STAT1: variants seen among roughly 807,000 people sequenced by gnomAD.
STAT1 encodes signal transducer and activator of transcription 1-alpha/beta.
A neutral mutation model predicts 111.7 loss-of-function variants in STAT1; 24 were observed. The observed-to-expected ratio is 0.21, with a 90% CI of 0.16 to 0.30. STAT1 has a LOEUF of 0.30. Ranked by LOEUF, STAT1 falls within the 10% of genes least tolerant of loss-of-function variation. The pLI is 1.00. For missense variants in STAT1, 351 were observed against 911.9 expected (o/e 0.38, Z 7.92); for synonymous variants, 332 against 326.5 (o/e 1.02, Z -0.18).
rs1463112266 is a variant in STAT1, at chr2:191,000,867, G to T, written c.462+207C>A. Among the ~76,000 whole-genome samples, 1 of 152,122 alleles carries T rather than the reference G, an allele frequency of 6.6e-6. No homozygotes were observed. The highest frequency in any genetic ancestry group is 1.9e-4 in the East Asian group (1 of 5,194). ...GAAGAAAAAGCTAAACTCAATGTTT[G>T]GCAGTTATAAGAGGCCATTCAAAAA... On this transcript the variant is annotated intron_variant, in intron 6 of 24. Transcript: ENST00000361099. The surrounding 1 kb of genome is among the most constrained non-coding windows in gnomAD (Gnocchi z 4.8).
At position 190,998,577 on chromosome 2, in the gene STAT1, G is replaced by A. The variant is rs1694017900; in HGVS notation, c.542-269C>T. Among the ~76,000 whole-genome samples, 3 of 151,850 alleles carry A rather than the reference G, an allele frequency of 2.0e-5. No individual in the cohort carries two copies. The highest frequency in any genetic ancestry group is 4.4e-5 in the Non-Finnish European group (3 of 67,984). Reference sequence around the variant, plus strand: ...CTCGGGAGGCTGAGGCAGGAGAACAGCATGAACCCGGGAGGCGGAGCTTGG... The same window carrying A: ...CTCGGGAGGCTGAGGCAGGAGAACAACATGAACCCGGGAGGCGGAGCTTGG... On this transcript the variant is annotated intron_variant, in intron 7 of 24. Coordinates refer to ENST00000361099, the MANE Select transcript of STAT1 (RefSeq NM_007315.4). This position sits in a 1 kb window ranked among gnomAD's most constrained non-coding sequence, Gnocchi z 4.1.
In STAT1 at chr2:190,993,468, T is replaced by C; in HGVS notation, c.944+1593A>G. 1.6e-6 allele frequency: 2 copies of C among 1,233,578 alleles called. No homozygotes were observed. Among genetic ancestry groups the C allele is most frequent in the African/African-American group, 1.5e-5 (1 of 66,568 alleles). The allele number at this position is 1,233,578 out of a possible 1,614,324, so 76.4% of individuals were successfully genotyped here. On this transcript the variant is annotated intron_variant, in intron 10 of 24. Transcript: ENST00000361099. The surrounding 1 kb of genome is among the most constrained non-coding windows in gnomAD (Gnocchi z 4.1). ...CTGATGTAGCTTTCTGTATATGTTA[T>C]CATCTGCAAACCTAAGAAGGAGGCA...
At chr2:190,992,719 C>A in intron 10 of STAT1, 1 of 1,189,018 alleles carries the variant, frequency 8.4e-7, no homozygotes, top group South Asian at 2.0e-5. Context: ...CCAGCTGTTG[C>A]TCCAGGACCC....
At position 190,997,788 on chromosome 2, in the gene STAT1, A is replaced by T. The variant is rs1268384555; in HGVS notation, c.785+68T>A. On this transcript the variant is annotated intron_variant, in intron 9 of 24. Transcript: ENST00000361099. This position sits in a 1 kb window ranked among gnomAD's most constrained non-coding sequence, Gnocchi z 7.3. The stretch of plus-strand genomic sequence containing the variant: ...AGGGTCCATTCAACTAACACAGCTC[A>T]AAGGTACATTTATGTGTTTATGTGG... The T allele has an allele frequency of 6.2e-7, 1 of 1,607,268 alleles. No homozygotes were observed. The highest frequency in any genetic ancestry group is 1.3e-5 in the African/African-American group (1 of 74,864).
chr2:190,975,906 T>G lies in STAT1; in HGVS notation c.2060-19A>C. 1 of 1,600,344 alleles carries G rather than the reference T, an allele frequency of 6.2e-7. No homozygotes were observed. Among genetic ancestry groups the G allele is most frequent in the Non-Finnish European group, 8.6e-7 (1 of 1,167,456 alleles). On this transcript the variant is annotated intron_variant, in intron 22 of 24. Coordinates refer to ENST00000361099, the MANE Select transcript of STAT1 (RefSeq NM_007315.4). This position sits in a 1 kb window ranked among gnomAD's most constrained non-coding sequence, Gnocchi z 5.9. ...TCTGGTGCTAGAAATAAACACATTG[T>G]GTACGCTTTCCATCAACCGAAATTC...
chr2:190,970,129 A>G lies in STAT1; in HGVS notation c.*574T>C, dbSNP rs190508584. 1 of 161,772 alleles carries G rather than the reference A, an allele frequency of 6.2e-6. No homozygotes were observed. The highest frequency in any genetic ancestry group is 1.8e-4 in the East Asian group (1 of 5,712). The allele number at this position is 161,772 out of a possible 1,614,324, so 10.0% of individuals were successfully genotyped here. A position where few individuals can be genotyped will look rare whatever the true frequency, so the allele number is the denominator to read the frequency against. ...ATGTGAAAGATGTAATAAAATACACATTTTCCCCCTACCAGATCCATGATG... is the reference window on the plus strand; with the variant it reads ...ATGTGAAAGATGTAATAAAATACACGTTTTCCCCCTACCAGATCCATGATG... On this transcript the variant is annotated 3_prime_UTR_variant, in exon 25 of 25. Transcript: ENST00000361099. This position sits in a 1 kb window ranked among gnomAD's most constrained non-coding sequence, Gnocchi z 5.4.
chr2:190,990,594 TTGTG>T lies in STAT1; in HGVS notation c.1037+630_1037+633del, dbSNP rs138287667. Among the ~76,000 whole-genome samples the T allele has an allele frequency of 5.3e-5, 8 of 151,944 alleles. No individual in the cohort carries two copies. Among genetic ancestry groups the T allele is most frequent in the African/African-American group, 9.7e-5 (4 of 41,346 alleles). On this transcript the variant is annotated intron_variant, in intron 11 of 24. Transcript: ENST00000361099. This position sits in a 1 kb window ranked among gnomAD's most constrained non-coding sequence, Gnocchi z 5.1. ...TTTTTAAAAAAGAAATATGTCATAT[TTGTG>T]TGTGTGTGTGTCTCTATATGAAATA...
rs1230681584 is a variant in STAT1 at position 191,003,819 on chromosome 2, G to A, written c.373-2656C>T. ...TTCTAAGCCAGCAGGATGTGGGCAC[G>A]GTGTCCTGTGGGCTTTGTAACAGCT... On this transcript the variant is annotated intron_variant, in intron 5 of 24. Transcript: ENST00000361099. The surrounding 1 kb of genome is among the most constrained non-coding windows in gnomAD (Gnocchi z 4.0). 1.3e-5 allele frequency among the ~76,000 whole-genome samples: 2 copies of A among 152,176 alleles called. No individual in the cohort carries two copies. The highest frequency in any genetic ancestry group is 2.9e-5 in the Non-Finnish European group (2 of 68,036).
In STAT1 at chr2:190,981,927, G is replaced by A. The variant is rs1233573155; in HGVS notation, c.1582+456C>T. The stretch of plus-strand genomic sequence containing the variant: ...AAAAGAGGCATCCTCTTGTGGGGAC[G>A]GCATCCTCTGCTACCTGGGCCCCAC... On this transcript the variant is annotated intron_variant, in intron 18 of 24. Transcript: ENST00000361099. This position sits in a 1 kb window ranked among gnomAD's most constrained non-coding sequence, Gnocchi z 4.1. Among the ~76,000 whole-genome samples, 3 of 152,194 alleles carry A rather than the reference G, an allele frequency of 2.0e-5. No individual in the cohort carries two copies. The highest frequency in any genetic ancestry group is 2.9e-5 in the Non-Finnish European group (2 of 68,030).
In STAT1 at chr2:190,982,323, TAGAG is replaced by T. The variant is rs1199295849; in HGVS notation, c.1582+56_1582+59del. On this transcript the variant is annotated intron_variant, in intron 18 of 24. Coordinates refer to ENST00000361099, the MANE Select transcript of STAT1 (RefSeq NM_007315.4). This position sits in a 1 kb window ranked among gnomAD's most constrained non-coding sequence, Gnocchi z 7.3. ...AAATAGCAGAGGGGAAAAGAGCAATTAGAGAGATATTTTTATGAATTTCAATTTT... is the reference window on the plus strand; with the variant it reads ...AAATAGCAGAGGGGAAAAGAGCAATTAGATATTTTTATGAATTTCAATTTT... The T allele has an allele frequency of 1.3e-5, 20 of 1,592,032 alleles. No individual in the cohort carries two copies. Among genetic ancestry groups the T allele is most frequent in the African/African-American group, 2.7e-5 (2 of 74,424 alleles).
chr2:190,971,452 C>A lies in STAT1; in HGVS notation c.2239-735G>T, dbSNP rs1267509907. 2.0e-5 allele frequency among the ~76,000 whole-genome samples: 3 copies of A among 152,084 alleles called. No individual in the cohort carries two copies. Among genetic ancestry groups the A allele is most frequent in the African/African-American group, 7.2e-5 (3 of 41,402 alleles). ...GGTAGAAGCCAGAGGTGTTGCTGAA[C>A]CTCCTACGAAGCACAGGAAAGCTCC... On this transcript the variant is annotated intron_variant, in intron 24 of 24. Transcript: ENST00000361099. The surrounding 1 kb of genome is among the most constrained non-coding windows in gnomAD (Gnocchi z 4.1).
chr2:190,994,426 TG>T (rs1693655065), intron 10 of STAT1, among the ~76,000 whole-genome samples: 1 of 151,432 alleles, frequency 6.6e-6, no homozygotes, highest in African/African-American at 2.4e-5. Flanking sequence ...GTGGGGAGGC[TG>T]GGGAAGAGTC....
At position 190,979,173 on chromosome 2, in the gene STAT1, T is replaced by C. The variant is rs1441810839; in HGVS notation, c.1728-172A>G. Among the ~76,000 whole-genome samples the C allele has an allele frequency of 2.6e-5, 4 of 152,240 alleles. No individual in the cohort carries two copies. The highest frequency in any genetic ancestry group is 9.6e-5 in the African/African-American group (4 of 41,462). On this transcript the variant is annotated intron_variant, in intron 20 of 24. Transcript: ENST00000361099. The surrounding 1 kb of genome is among the most constrained non-coding windows in gnomAD (Gnocchi z 5.8). ...GACACTTAAGGAAGCATTTCACTTA[T>C]ACATGTATATACTAAGGTTTTAAAA...
chr2:190,991,176 G>A (rs910724022), intron 11 of STAT1, 52 bp downstream of exon 11: 96 of 1,559,422 alleles, frequency 6.2e-5, no homozygotes, highest in Non-Finnish European at 7.8e-5. Context: ...GGAAACTAGG[G>A]GTACAAACTA....
intron 10 of STAT1, 129 bp from the exon 11 acceptor site, chr2:190,991,449 C>A (rs1693331887): frequency 1.2e-6 from 1 of 861,334 alleles, no homozygotes; most frequent in South Asian, 1.4e-5. Flanking sequence ...AAGATTCTGA[C>A]AAGTTGGATG....
In STAT1 at chr2:190,995,447, G is replaced by A. The variant is rs539578387; in HGVS notation, c.786-228C>T. On this transcript the variant is annotated intron_variant, in intron 9 of 24. Coordinates refer to ENST00000361099, the MANE Select transcript of STAT1 (RefSeq NM_007315.4). The surrounding 1 kb of genome is among the most constrained non-coding windows in gnomAD (Gnocchi z 4.2). ...TGAGGAGCAAAGTCACATCTTACAT[G>A]GTGGCAGGCAAGAGAGTTTGTGGAG... 1.4e-4 allele frequency among the ~76,000 whole-genome samples: 21 copies of A among 152,290 alleles called. No individual in the cohort carries two copies. Among genetic ancestry groups the A allele is most frequent in the Admixed American group, 1.4e-3 (21 of 15,290 alleles).
At chr2:190,985,737 A>C in intron 14 of STAT1, 77 bp from the exon 15 acceptor site, 1 of 1,434,458 alleles carries the variant, frequency 7.0e-7, no homozygotes. Context: ...AATGAGAACA[A>C]AGTTAGGACT....
intron 10 of STAT1, among the ~76,000 whole-genome samples, chr2:190,991,626 A>G (rs1340008411): frequency 1.3e-5 from 2 of 152,144 alleles, no homozygotes; most frequent in African/African-American, 2.4e-5. Context: ...TAAGAGGCTG[A>G]GGTGTGAAGA....
At chr2:190,972,879 T>C (rs1335971732) in intron 24 of STAT1, among the ~76,000 whole-genome samples, 1 of 149,916 alleles carries the variant, frequency 6.7e-6, no homozygotes, top group Non-Finnish European at 1.5e-5. Flanking sequence ...ATTCTACAAA[T>C]GAAATGAATA....
Sources: gnomAD v4.1 joint callset for allele counts (sites outside exome capture counted in the v4.1 genomes callset) on GRCh38, gnomAD v4.1.1 for gene constraint, Gnocchi (gnomAD v3.1) non-coding constraint, MANE v1.5 for transcripts, NCBI Gene and HGNC (gene_info 2026-07-23, HGNC 2026-07-21) for gene names.